Variants in RIPOR3 observed in about 807,000 individuals in gnomAD.
The protein encoded by RIPOR3 is family with sequence similarity 65 member C.
RIPOR3 carries 95 observed loss-of-function variants against 114.3 expected under a neutral mutation model. The observed-to-expected ratio is 0.83, with a 90% CI of 0.70 to 0.99. The LOEUF (loss-of-function observed/expected upper bound fraction) is 0.99. Among genes scored for constraint, RIPOR3 ranks in the 50% least tolerant of loss-of-function variants. The probability of loss-of-function intolerance (pLI) is 0.00; values close to 1 mark genes in which losing one functional copy is unlikely to be tolerated. For missense variants in RIPOR3, 1,252 were observed against 1,266.9 expected, an observed-to-expected ratio of 0.99 and a Z score of 0.18; for synonymous variants, 575 against 543.8, an observed-to-expected ratio of 1.06 and a Z score of -0.80.
intron 1 of RIPOR3, among the ~76,000 whole-genome samples, chr20:50,662,866 G>A (rs1315511911): frequency 2.0e-5 from 3 of 152,118 alleles, no homozygotes; most frequent in Non-Finnish European, 2.9e-5. Context: ...AGGCCGAGGC[G>A]GGTGGGTCAC....
At chr20:50,617,988 G>A (rs908494619) in intron 3 of RIPOR3, among the ~76,000 whole-genome samples, 10 of 152,106 alleles carry the variant, frequency 6.6e-5, no homozygotes, top group Non-Finnish European at 1.5e-4. Context: ...TGTAGGGGCT[G>A]GGCGTGGTGG....
chr20:50,624,199 C>G (rs1260826494), intron 2 of RIPOR3, among the ~76,000 whole-genome samples: 1 of 152,218 alleles, frequency 6.6e-6, no homozygotes, highest in African/African-American at 2.4e-5. Flanking sequence ...GCTCCCTCTT[C>G]CCCTTGCCCT....
At chr20:50,622,823 G>A (rs144066186) in intron 2 of RIPOR3, among the ~76,000 whole-genome samples, 1 of 152,142 alleles carries the variant, frequency 6.6e-6, no homozygotes, top group African/African-American at 2.4e-5. Context: ...GGTAAAATGG[G>A]ACCACGTAAT....
At chr20:50,678,065 C>T (rs1263753654) in intron 1 of RIPOR3, among the ~76,000 whole-genome samples, 1 of 152,148 alleles carries the variant, frequency 6.6e-6, no homozygotes, top group Non-Finnish European at 1.5e-5. Context: ...CAAAATCAGC[C>T]TCCTGACTCC....
chr20:50,659,990 G>C (rs2085943120), intron 1 of RIPOR3: 1 of 152,208 alleles, frequency 6.6e-6, no homozygotes, highest in Non-Finnish European at 1.5e-5. Flanking sequence ...GCCCCAAAAG[G>C]ATGAGCCTGG....
intron 13 of RIPOR3, 129 bp downstream of exon 13, chr20:50,601,943 C>T (rs1048165868): frequency 4.9e-5 from 43 of 884,840 alleles, no homozygotes; most frequent in East Asian, 3.0e-4. Flanking sequence ...CAGAGAGACA[C>T]GGCCCACCCA....
intron 1 of RIPOR3, among the ~76,000 whole-genome samples, chr20:50,656,352 G>A (rs772264305): frequency 2.0e-5 from 3 of 152,170 alleles, no homozygotes; most frequent in African/African-American, 4.8e-5. Context: ...GTCAAATGGT[G>A]TAATAATAGT....
At chr20:50,651,803 G>A (rs1000198466) in intron 1 of RIPOR3, among the ~76,000 whole-genome samples, 1 of 152,206 alleles carries the variant, frequency 6.6e-6, no homozygotes, top group African/African-American at 2.4e-5. Context: ...TAACACCAAT[G>A]CACCTGTGTT....
At chr20:50,622,591 T>A (rs546945266) in intron 2 of RIPOR3, among the ~76,000 whole-genome samples, 2 of 152,082 alleles carry the variant, frequency 1.3e-5, no homozygotes, top group African/African-American at 2.4e-5. Context: ...CCCTAAAAGC[T>A]GGCTGAACAA....
chr20:50,653,877 A>C (rs540921736), intron 1 of RIPOR3: 1 of 152,048 alleles, frequency 6.6e-6, no homozygotes, highest in Non-Finnish European at 1.5e-5. Context: ...GTGCTGAAAG[A>C]TCATTGAAAA....
At chr20:50,644,056 G>T (rs1336783498) in intron 1 of RIPOR3, among the ~76,000 whole-genome samples, 1 of 151,680 alleles carries the variant, frequency 6.6e-6, no homozygotes, top group Non-Finnish European at 1.5e-5. Context: ...GGAGTTCAAG[G>T]CTGCAGTGAG....
In RIPOR3 at chr20:50,616,009, G is replaced by A. The variant is rs1368664645; in HGVS notation, c.341C>T (p.Ser114Phe). Residue 114 changes from serine to phenylalanine, a missense_variant, in exon 4 of 22, where the codon TCC (serine) becomes TTC (phenylalanine). By Grantham distance (155) the Ser-to-Phe change is radical (BLOSUM62 -2). Coordinates refer to ENST00000327979, the MANE Select transcript of RIPOR3 (RefSeq NM_001290268.2). Reference sequence around the variant, plus strand: ...GGCAGGGAGGGGTCTCACCAGCCTGGAATTCCTCCTGGTGTCTTTGTGGCG... The same window carrying A: ...GGCAGGGAGGGGTCTCACCAGCCTGAAATTCCTCCTGGTGTCTTTGTGGCG... Reference protein sequence around the residue: ...SGRHKDTRRNSRLAFYYDLDK... With the variant: ...SGRHKDTRRNFRLAFYYDLDK... 2.5e-6 allele frequency: 4 copies of A among 1,608,100 alleles called. No homozygotes were observed. Among genetic ancestry groups the A allele is most frequent in the Non-Finnish European group, 3.4e-6 (4 of 1,177,478 alleles).
At chr20:50,592,584 A>G (rs776378117) in intron 18 of RIPOR3, 38 bp from the exon 19 acceptor site, 14 of 1,432,148 alleles carry the variant, frequency 9.8e-6, no homozygotes, top group Admixed American at 5.4e-5. Context: ...GGTCCCCTGA[A>G]TGGGAGTTTG....
chr20:50,620,676 TAAAA>T (rs869235517), intron 2 of RIPOR3: 10 of 155,012 alleles, frequency 6.5e-5, no homozygotes, highest in Admixed American at 2.4e-4. Flanking sequence ...AATAAATAAA[TAAAA>T]ATAAGGAGCC....
In RIPOR3 at chr20:50,677,367, C is replaced by CT. The variant is rs34725648; in HGVS notation, c.3+13758dup. 2.3e-3 allele frequency among the ~76,000 whole-genome samples: 220 copies of CT among 96,774 alleles called. 3 individuals are homozygous for CT. Among genetic ancestry groups the CT allele is most frequent in the South Asian group, 4.1e-3 (11 of 2,668 alleles). The allele number at this position is 96,774 out of a possible 152,430, so 63.5% of individuals were successfully genotyped here. ...TTATTATTATTATTTTCTTGTTTTA[C>CT]TTTTTTTTTTTTTTTTTTTTTTAGA... On this transcript the variant is annotated intron_variant, in intron 1 of 21. Coordinates refer to ENST00000327979, the MANE Select transcript of RIPOR3 (RefSeq NM_001290268.2).
intron 1 of RIPOR3, among the ~76,000 whole-genome samples, chr20:50,650,851 T>C (rs1600684937): frequency 6.6e-6 from 1 of 152,206 alleles, no homozygotes. Context: ...ACCCCTTTGA[T>C]TGTGGGCAGA....
intron 1 of RIPOR3, among the ~76,000 whole-genome samples, chr20:50,678,987 A>G (rs1222619288): frequency 1.3e-5 from 2 of 150,472 alleles, no homozygotes; most frequent in African/African-American, 4.9e-5. Context: ...CACCTGTAGT[A>G]CTAGCTATTC....
At chr20:50,638,722 G>A (rs565297977) in intron 1 of RIPOR3, among the ~76,000 whole-genome samples, 6 of 152,068 alleles carry the variant, frequency 3.9e-5, no homozygotes, top group Admixed American at 6.6e-5. Context: ...GGGAGGGAGC[G>A]GGGGAAGCTG....
At chr20:50,630,152 G>A (rs1322261853) in intron 2 of RIPOR3, among the ~76,000 whole-genome samples, 1 of 152,130 alleles carries the variant, frequency 6.6e-6, no homozygotes, top group Non-Finnish European at 1.5e-5. Context: ...ATTTTTAGTA[G>A]AGACAGGGCT....
Sources: gnomAD v4.1 joint callset for allele counts (sites outside exome capture counted in the v4.1 genomes callset) on GRCh38, gnomAD v4.1.1 for gene constraint, MANE v1.5 for transcripts, NCBI Gene and HGNC (gene_info 2026-07-23, HGNC 2026-07-21) for gene names.